SDCCAG8: variants seen among roughly 807,000 people sequenced by gnomAD.
The protein encoded by SDCCAG8 is SHH signaling and ciliogenesis regulator SDCCAG8.
Under a neutral mutation model 101.8 loss-of-function variants are expected in SDCCAG8, and 74 were observed. The ratio of observed to expected loss-of-function variants is 0.73; its 90% CI spans 0.60 to 0.88. The LOEUF (loss-of-function observed/expected upper bound fraction) is 0.88, where lower values mean the gene tolerates loss of function less well. SDCCAG8 is among the 40% of genes least tolerant of loss of function. SDCCAG8 has a pLI of 0.00. For synonymous variants in SDCCAG8, 281 were observed against 292.9 expected (o/e 0.96, Z 0.41); for missense variants, 787 against 822.6 (o/e 0.96, Z 0.53).
intron 17 of SDCCAG8, among the ~76,000 whole-genome samples, chr1:243,494,572 G>A (rs965449606): frequency 3.3e-5 from 5 of 152,090 alleles, no homozygotes; most frequent in Admixed American, 6.5e-5. Flanking sequence ...TTGACTGAGC[G>A]CCCCGTGTAT....
intron 9 of SDCCAG8, among the ~76,000 whole-genome samples, chr1:243,327,091 G>A (rs1399406268): frequency 1.3e-5 from 2 of 151,918 alleles, no homozygotes; most frequent in Non-Finnish European, 2.9e-5. Flanking sequence ...AACTTCTCAA[G>A]ACCTACAGCC....
At chr1:243,475,984 C>T in intron 16 of SDCCAG8, 12 of 985,478 alleles carry the variant, frequency 1.2e-5, no homozygotes, top group Non-Finnish European at 1.4e-5. Flanking sequence ...CCACTAGAAA[C>T]CAAATGAGCC....
In SDCCAG8 at chr1:243,378,846, C is replaced by T; in HGVS notation, c.1599C>T (p.His533=). The T allele has an allele frequency of 6.2e-7, 1 of 1,614,070 alleles. No homozygotes were observed. The highest frequency in any genetic ancestry group is 2.2e-5 in the East Asian group (1 of 44,884). ...RLTELLGESE[H]QLHLTRQEKD... is the part of the protein sequence containing the mutation. Reference sequence around the variant, plus strand: ...CAGAACTGCTGGGCGAATCTGAGCACCAACTGCACCTCACCAGGTACTCCC... The same window carrying T: ...CAGAACTGCTGGGCGAATCTGAGCATCAACTGCACCTCACCAGGTACTCCC... The change falls in exon 13 of 18, where the codon CAC becomes CAT. Residue 533 remains histidine, a synonymous_variant. Transcript: ENST00000366541.
intron 12 of SDCCAG8, among the ~76,000 whole-genome samples, chr1:243,347,319 G>A (rs1558330755): frequency 6.6e-6 from 1 of 152,112 alleles, no homozygotes; most frequent in Admixed American, 6.5e-5. Context: ...ACCTAACAAT[G>A]TTAACAATAC....
chr1:243,471,717 C>T (rs752877237), intron 16 of SDCCAG8, among the ~76,000 whole-genome samples: 16 of 152,032 alleles, frequency 1.1e-4, no homozygotes, highest in Non-Finnish European at 1.9e-4. Flanking sequence ...AGTTTTACGT[C>T]GTCCTAGGTG....
At chr1:243,402,408 A>T (rs80347504) in intron 13 of SDCCAG8, among the ~76,000 whole-genome samples, 1 of 107,670 alleles carries the variant, frequency 9.3e-6, no homozygotes, top group Non-Finnish European at 2.1e-5. Flanking sequence ...GTCTCAATTA[A>T]AAAAAAAAAA....
chr1:243,457,392 A>G (rs2083845464), intron 16 of SDCCAG8, among the ~76,000 whole-genome samples: 1 of 152,236 alleles, frequency 6.6e-6, no homozygotes, highest in Admixed American at 6.5e-5. Context: ...GTGGTCATTC[A>G]GAACCGAATA....
intron 16 of SDCCAG8, among the ~76,000 whole-genome samples, chr1:243,430,937 G>T (rs1300606029): frequency 6.6e-6 from 1 of 152,062 alleles, no homozygotes; most frequent in Non-Finnish European, 1.5e-5. Flanking sequence ...GGTGGCTCAC[G>T]CCTGTAATCC....
At chr1:243,437,378 A>G (rs902201369) in intron 16 of SDCCAG8, among the ~76,000 whole-genome samples, 4 of 152,182 alleles carry the variant, frequency 2.6e-5, no homozygotes, top group African/African-American at 9.7e-5. Context: ...GGTATACGGT[A>G]ATCATACAGG....
intron 16 of SDCCAG8, among the ~76,000 whole-genome samples, chr1:243,472,780 C>G (rs1574247642): frequency 6.6e-6 from 1 of 152,304 alleles, no homozygotes; most frequent in East Asian, 1.9e-4. Context: ...TCTCAAGTGT[C>G]TTCAAACTGT....
At chr1:243,407,965 G>A (rs189471382) in intron 13 of SDCCAG8, among the ~76,000 whole-genome samples, 1 of 152,266 alleles carries the variant, frequency 6.6e-6, no homozygotes, top group Admixed American at 6.5e-5. Context: ...CCTGTTAGCT[G>A]TAAATAAGCA....
intron 17 of SDCCAG8, among the ~76,000 whole-genome samples, chr1:243,497,981 T>C (rs1205435929): frequency 6.6e-6 from 1 of 152,166 alleles, no homozygotes; most frequent in African/African-American, 2.4e-5. Flanking sequence ...TGTTGGGTTG[T>C]TTTTCTTTTG....
chr1:243,374,140 G>A lies in SDCCAG8; in HGVS notation c.1474-4581G>A, dbSNP rs1025279822. Among the ~76,000 whole-genome samples the A allele has an allele frequency of 5.9e-5, 9 of 151,974 alleles. No individual in the cohort carries two copies. The South Asian group carries it at 6.2e-4, about 11-fold the overall frequency. On this transcript the variant is annotated intron_variant, in intron 12 of 17. Transcript: ENST00000366541. ...AAAATGGGTAGAAAATTTTCTTAAC[G>A]TTCAAAATGAGGTGTCATCAGTCAA...
At chr1:243,286,502 C>A in intron 5 of SDCCAG8, 105 bp downstream of exon 5, 1 of 1,190,520 alleles carries the variant, frequency 8.4e-7, no homozygotes, top group South Asian at 1.3e-5. Flanking sequence ...GAAGTGTGGC[C>A]AAAGTACTAT....
At chr1:243,282,034 A>G (rs1020364731) in intron 4 of SDCCAG8, among the ~76,000 whole-genome samples, 4 of 152,104 alleles carry the variant, frequency 2.6e-5, no homozygotes, top group African/African-American at 9.7e-5. Context: ...CCCAGGCTGT[A>G]GTGCAGTGAC....
intron 13 of SDCCAG8, among the ~76,000 whole-genome samples, chr1:243,406,284 A>G (rs946465035): frequency 6.6e-6 from 1 of 152,214 alleles, no homozygotes; most frequent in Non-Finnish European, 1.5e-5. Context: ...AGGGTGTTGT[A>G]TAATAGGATA....
At chr1:243,415,907 G>C (rs1322841524) in intron 14 of SDCCAG8, 78 bp downstream of exon 14, 2 of 1,560,600 alleles carry the variant, frequency 1.3e-6, no homozygotes, top group Non-Finnish European at 1.7e-6. Flanking sequence ...ATGACATCAG[G>C]AACACCTGTA....
At chr1:243,276,585 A>G (rs185221286) in intron 4 of SDCCAG8, among the ~76,000 whole-genome samples, 1 of 152,226 alleles carries the variant, frequency 6.6e-6, no homozygotes, top group Non-Finnish European at 1.5e-5. Flanking sequence ...TTCCCTTGTT[A>G]TTAACATCTT....
intron 16 of SDCCAG8, among the ~76,000 whole-genome samples, chr1:243,465,085 T>A (rs934642201): frequency 6.6e-6 from 1 of 152,208 alleles, no homozygotes; most frequent in African/African-American, 2.4e-5. Context: ...TTAGCTAGAA[T>A]TTTTTTACTA....
Sources: allele counts gnomAD v4.1 joint callset (sites outside exome capture counted in the v4.1 genomes callset), GRCh38; gene constraint gnomAD v4.1.1; transcripts MANE v1.5; gene names NCBI Gene and HGNC (gene_info 2026-07-23, HGNC 2026-07-21).